DPP6: variants seen among roughly 807,000 people sequenced by gnomAD.
DPP6 encodes the protein dipeptidyl peptidase like 6.
Under a neutral mutation model 122.6 loss-of-function variants are expected in DPP6, and 69 were observed. The ratio of observed to expected loss-of-function variants is 0.56; its 90% CI spans 0.46 to 0.69. DPP6 has a LOEUF of 0.69. Among genes scored for constraint, DPP6 ranks in the 30% least tolerant of loss-of-function variants. DPP6 has a pLI of 0.00. For synonymous variants in DPP6, 418 were observed against 433.1 expected (o/e 0.97, Z 0.43); for missense variants, 928 against 1,116.9 (o/e 0.83, Z 2.41).
intron 1 of DPP6, among the ~76,000 whole-genome samples, chr7:154,093,390 CACA>C (rs757589151): frequency 3.4e-5 from 5 of 147,412 alleles, no homozygotes; most frequent in East Asian, 2.0e-4. Flanking sequence ...CCACATGCCA[CACA>C]ACCTACATAC....
At chr7:154,401,297 A>C (rs1047411444) in intron 1 of DPP6, among the ~76,000 whole-genome samples, 6 of 152,212 alleles carry the variant, frequency 3.9e-5, no homozygotes, top group Non-Finnish European at 5.9e-5. Flanking sequence ...AAGAATAGAA[A>C]ATTGAAGGAT....
intron 1 of DPP6, among the ~76,000 whole-genome samples, chr7:153,958,735 G>C (rs1217007846): frequency 6.6e-6 from 1 of 152,144 alleles, no homozygotes. Flanking sequence ...AACAAAATCA[G>C]CTCTCTTGGC....
At chr7:153,750,027 C>A in the DPP6 span, among the ~76,000 whole-genome samples, 1 of 152,102 alleles carries the variant, frequency 6.6e-6, no homozygotes, top group Non-Finnish European at 1.5e-5. Context: ...CCATTAAAAT[C>A]TACTTGTTGG....
At chr7:154,002,646 C>T (rs1332025851) in intron 1 of DPP6, among the ~76,000 whole-genome samples, 1 of 152,022 alleles carries the variant, frequency 6.6e-6, no homozygotes, top group Non-Finnish European at 1.5e-5. Context: ...AAGTGAAAAC[C>T]ATCACTTGGT....
intron 16 of DPP6, among the ~76,000 whole-genome samples, chr7:154,808,994 G>A (rs970145775): frequency 6.6e-6 from 1 of 152,194 alleles, no homozygotes; most frequent in Admixed American, 6.5e-5. Flanking sequence ...GGCTTGGTCT[G>A]GCCTAGGCAG....
At chr7:154,345,480 C>A (rs1810317794) in intron 1 of DPP6, among the ~76,000 whole-genome samples, 2 of 152,268 alleles carry the variant, frequency 1.3e-5, no homozygotes, top group African/African-American at 4.8e-5. Flanking sequence ...AGTCCATTTT[C>A]CCATGGGTTG....
intron 1 of DPP6, among the ~76,000 whole-genome samples, chr7:154,324,541 C>T (rs761325458): frequency 3.3e-5 from 5 of 152,190 alleles, no homozygotes; most frequent in Admixed American, 6.5e-5. Context: ...CCAGCATGAC[C>T]GCCGGGTCTC....
At chr7:154,072,401 C>G (rs563851290) in intron 1 of DPP6, among the ~76,000 whole-genome samples, 1 of 152,268 alleles carries the variant, frequency 6.6e-6, no homozygotes, top group Non-Finnish European at 1.5e-5. Context: ...AAGCTGCCTG[C>G]GCTTTGCTGC....
intron 1 of DPP6, among the ~76,000 whole-genome samples, chr7:153,896,589 G>A (rs1799424577): frequency 6.6e-6 from 1 of 152,158 alleles, no homozygotes; most frequent in Admixed American, 6.5e-5. Flanking sequence ...AGGATCACTT[G>A]AGGCCAGGAA....
intron 4 of DPP6, among the ~76,000 whole-genome samples, chr7:154,557,143 C>T (rs1830101950): frequency 6.6e-6 from 1 of 152,166 alleles, no homozygotes. Flanking sequence ...CTGTAGCACC[C>T]ATCGGGGGCA....
intron 1 of DPP6, among the ~76,000 whole-genome samples, chr7:154,437,324 C>T (rs1818956691): frequency 6.6e-6 from 1 of 152,166 alleles, no homozygotes; most frequent in Non-Finnish European, 1.5e-5. Context: ...AATACTACAG[C>T]TTTCTTTTTG....
chr7:153,838,945 T>C, the DPP6 span, among the ~76,000 whole-genome samples: 4 of 152,164 alleles, frequency 2.6e-5, no homozygotes, highest in Non-Finnish European at 5.9e-5. Context: ...ACACCAGTGG[T>C]TCTCAAATGT....
chr7:154,634,876 TGGGGATGGCATAACCA>T (rs1835643564), intron 5 of DPP6, among the ~76,000 whole-genome samples: 1 of 152,220 alleles, frequency 6.6e-6, no homozygotes, highest in Non-Finnish European at 1.5e-5. Context: ...GTGTTTGTTT[TGGGGATGGCATAACCA>T]GGGAATGAAT....
intron 1 of DPP6, among the ~76,000 whole-genome samples, chr7:154,245,775 A>G (rs1248212888): frequency 3.3e-5 from 5 of 152,216 alleles, no homozygotes; most frequent in Non-Finnish European, 7.3e-5. Flanking sequence ...ACATCTATGT[A>G]TATAGTAGCT....
intron 16 of DPP6, among the ~76,000 whole-genome samples, 171 bp from the exon 17 acceptor site, chr7:154,853,609 C>A (rs541375312): frequency 1.3e-5 from 2 of 152,350 alleles, no homozygotes; most frequent in South Asian, 4.1e-4. Context: ...CCTTGGCCCC[C>A]CTGCCGGCCT....
intron 20 of DPP6, among the ~76,000 whole-genome samples, chr7:154,880,545 G>C (rs1468125830): frequency 6.6e-6 from 1 of 152,176 alleles, no homozygotes; most frequent in Admixed American, 6.5e-5. Context: ...ACAGGCTCTG[G>C]GTGGGGGCCC....
intron 1 of DPP6, among the ~76,000 whole-genome samples, chr7:153,988,681 G>A: frequency 1.3e-5 from 2 of 152,200 alleles, no homozygotes. Context: ...CCTGGTCGAT[G>A]GCACGTCGGG....
chr7:154,392,874 G>A (rs1211984172), intron 1 of DPP6, among the ~76,000 whole-genome samples: 3 of 152,228 alleles, frequency 2.0e-5, no homozygotes, highest in Non-Finnish European at 4.4e-5. Context: ...GGCATTGCTT[G>A]GTGAGCACGC....
intron 2 of DPP6, among the ~76,000 whole-genome samples, chr7:154,454,204 G>A (rs1381336608): frequency 1.3e-5 from 2 of 152,150 alleles, no homozygotes; most frequent in Non-Finnish European, 2.9e-5. Flanking sequence ...TTGCCCTGGG[G>A]CATCTGCTCT....
Sources: gnomAD v4.1 joint callset for allele counts (sites outside exome capture counted in the v4.1 genomes callset) on GRCh38, gnomAD v4.1.1 for gene constraint, MANE v1.5 for transcripts, NCBI Gene and HGNC (gene_info 2026-07-23, HGNC 2026-07-21) for gene names.